Variants in SOX6 observed in about 807,000 individuals in gnomAD.
SOX6 encodes the protein SRY-box transcription factor 6, also known as transcription factor SOX-6.
A neutral mutation model predicts 97.8 loss-of-function variants in SOX6; 11 were observed. That is an observed-to-expected ratio of 0.11 (90% CI 0.07 to 0.19). The LOEUF is 0.19. Ranked by LOEUF, SOX6 falls within the 10% of genes least tolerant of loss-of-function variation. SOX6 has a pLI of 1.00. For synonymous variants in SOX6, 360 were observed against 371.4 expected, an observed-to-expected ratio of 0.97 and a Z score of 0.35; for missense variants, 810 against 1,039.5, an observed-to-expected ratio of 0.78 and a Z score of 3.04.
chr11:16,737,212 A>G (rs2134063568), intron 1 of SOX6, among the ~76,000 whole-genome samples: 1 of 152,150 alleles, frequency 6.6e-6, no homozygotes, highest in Non-Finnish European at 1.5e-5. Flanking sequence ...TTATTTATTT[A>G]TTTATTTATT....
chr11:16,597,168 C>T (rs951582757), intron 4 of SOX6, among the ~76,000 whole-genome samples: 1 of 152,000 alleles, frequency 6.6e-6, no homozygotes, highest in African/African-American at 2.4e-5. Context: ...TATGAAGGCA[C>T]TTTAAAGGCT....
intron 6 of SOX6, among the ~76,000 whole-genome samples, chr11:16,138,319 G>A (rs1190040929): frequency 6.6e-6 from 1 of 152,054 alleles, no homozygotes; most frequent in East Asian, 1.9e-4. Context: ...CCTCATAAAG[G>A]TTAAGTCTAA....
chr11:16,466,213 T>C (rs1320759153), intron 1 of SOX6, among the ~76,000 whole-genome samples: 1 of 152,260 alleles, frequency 6.6e-6, no homozygotes, highest in Non-Finnish European at 1.5e-5. Context: ...CACATTTTTA[T>C]GCTTTGGAGC....
Position 16,339,651 on chromosome 11 carries a change from C to G in SOX6, c.237+1361G>C, listed in dbSNP as rs1322554445. Among the ~76,000 whole-genome samples, 5 of 151,994 alleles carry G rather than the reference C, an allele frequency of 3.3e-5. No individual in the cohort carries two copies. The East Asian group carries it at 9.6e-4, about 29-fold the overall frequency. ...TATTTATTTAATTTCTATTCCCTCT[C>G]CCAGACTATAAACTCCATGAAGGCA... is the stretch of plus-strand genomic sequence containing the variant. On this transcript the variant is annotated intron_variant, in intron 2 of 15. Coordinates refer to ENST00000683767, the MANE Select transcript of SOX6 (RefSeq NM_001367873.1).
chr11:16,039,731 T>C (rs1044858714), intron 12 of SOX6, among the ~76,000 whole-genome samples: 2 of 152,196 alleles, frequency 1.3e-5, no homozygotes, highest in South Asian at 4.1e-4. Context: ...TACTAAAAAA[T>C]GGTATTTATA....
chr11:16,603,675 G>A (rs1407358434), intron 4 of SOX6, among the ~76,000 whole-genome samples: 1 of 152,276 alleles, frequency 6.6e-6, no homozygotes, highest in East Asian at 1.9e-4. Flanking sequence ...CCACGAGTAG[G>A]ATGTGAAGAA....
intron 4 of SOX6, among the ~76,000 whole-genome samples, chr11:16,188,273 C>A (rs1236484022): frequency 6.6e-6 from 1 of 151,002 alleles, no homozygotes; most frequent in Non-Finnish European, 1.5e-5. Context: ...CTCTTATATC[C>A]TCAGATTTAC....
chr11:16,051,522 A>G (rs1361345940), intron 10 of SOX6, among the ~76,000 whole-genome samples: 1 of 152,176 alleles, frequency 6.6e-6, no homozygotes, highest in East Asian at 1.9e-4. Context: ...ATATTTATAC[A>G]TAGGACAGGT....
At chr11:16,616,282 C>G (rs1848470733) in intron 3 of SOX6, among the ~76,000 whole-genome samples, 1 of 152,016 alleles carries the variant, frequency 6.6e-6, no homozygotes, top group African/African-American at 2.4e-5. Context: ...AAACTTCCCA[C>G]CAATAAATAT....
At chr11:16,558,408 C>T (rs989036621) in intron 4 of SOX6, among the ~76,000 whole-genome samples, 1 of 151,966 alleles carries the variant, frequency 6.6e-6, no homozygotes, top group Non-Finnish European at 1.5e-5. Context: ...CCAAGAATTA[C>T]TCTCATACCA....
rs532059582 is a variant in SOX6 at position 16,462,253 on chromosome 11, G to A, written c.-5+14062C>T. ...CACTATGCTATTAACTTGCAAGCAGGCCAGCCTGCTTCAAACAATAAACTA... is the reference window on the plus strand; with the variant it reads ...CACTATGCTATTAACTTGCAAGCAGACCAGCCTGCTTCAAACAATAAACTA... On this transcript the variant is annotated intron_variant, in intron 1 of 15. Coordinates refer to the SOX6 transcript ENST00000396356. Among the ~76,000 whole-genome samples the A allele has an allele frequency of 1.3e-5, 2 of 152,220 alleles. 1 individual carries two copies. Among genetic ancestry groups the A allele is most frequent in the Non-Finnish European group, 2.9e-5 (2 of 68,044 alleles).
At chr11:16,148,522 A>G (rs1850374260) in intron 6 of SOX6, among the ~76,000 whole-genome samples, 2 of 152,092 alleles carry the variant, frequency 1.3e-5, no homozygotes, top group Admixed American at 1.3e-4. Flanking sequence ...TGTCTATGAA[A>G]CCGTGTTGGA....
Position 16,114,383 on chromosome 11 carries a change from A to G in SOX6, c.778-2460T>C, listed in dbSNP as rs566703456. On this transcript the variant is annotated intron_variant, in intron 6 of 15. Coordinates refer to ENST00000683767, the MANE Select transcript of SOX6 (RefSeq NM_001367873.1). ...TTTCTTCATGTAAAAACTGAAGCTA[A>G]TTATAATACCTTACACAATTATTGT... Among the ~76,000 whole-genome samples the G allele has an allele frequency of 2.0e-5, 3 of 152,288 alleles. No homozygotes were observed. In the East Asian group the frequency reaches 5.8e-4, roughly 29 times the overall value.
intron 4 of SOX6, among the ~76,000 whole-genome samples, chr11:16,496,870 T>C (rs960028564): frequency 6.6e-6 from 1 of 152,196 alleles, no homozygotes; most frequent in African/African-American, 2.4e-5. Flanking sequence ...CCTGCCTGCC[T>C]CTATAGACTC....
intron 12 of SOX6, among the ~76,000 whole-genome samples, chr11:16,044,518 T>C (rs1855769167): frequency 6.6e-6 from 1 of 152,262 alleles, no homozygotes; most frequent in Non-Finnish European, 1.5e-5. Context: ...GAAAAAGTAG[T>C]GCCCCATGGA....
chr11:16,444,701 A>C (rs1162102581), intron 1 of SOX6, among the ~76,000 whole-genome samples: 2 of 152,240 alleles, frequency 1.3e-5, no homozygotes, highest in Non-Finnish European at 2.9e-5. Context: ...TCATTCTGAC[A>C]TAGTGTGCAC....
chr11:16,495,168 C>A (rs1048679392), intron 4 of SOX6, among the ~76,000 whole-genome samples: 3 of 152,124 alleles, frequency 2.0e-5, no homozygotes, highest in African/African-American at 7.2e-5. Flanking sequence ...TTACAACCAT[C>A]CTAAGGACAG....
At chr11:16,210,477 TG>T (rs1852190619) in intron 4 of SOX6, among the ~76,000 whole-genome samples, 1 of 151,910 alleles carries the variant, frequency 6.6e-6, no homozygotes, top group Non-Finnish European at 1.5e-5. Context: ...TGTTTAGGGG[TG>T]GGGAGTTGTG....
chr11:16,076,454 T>C (rs950771916), intron 9 of SOX6, among the ~76,000 whole-genome samples: 7 of 147,312 alleles, frequency 4.8e-5, no homozygotes, highest in African/African-American at 1.7e-4. Flanking sequence ...ATTACATTAA[T>C]AGACACTTTT....
Sources: gnomAD v4.1 joint callset for allele counts (sites outside exome capture counted in the v4.1 genomes callset) on GRCh38, gnomAD v4.1.1 for gene constraint, MANE v1.5 for transcripts, NCBI Gene and HGNC (gene_info 2026-07-23, HGNC 2026-07-21) for gene names.